The following DCLK1 variants were observed in gnomAD, a reference collection of about 807,000 sequenced individuals.
DCLK1 encodes serine/threonine-protein kinase DCLK1.
In DCLK1, 16 loss-of-function variants were observed where a neutral mutation model predicts 86.2. The observed-to-expected ratio is 0.19, with a 90% CI of 0.13 to 0.28. DCLK1 has a LOEUF of 0.28. Among genes scored for constraint, DCLK1 ranks in the 10% least tolerant of loss-of-function variants. DCLK1 has a pLI of 1.00. For synonymous variants in DCLK1, 369 were observed against 370.5 expected (o/e 1.00, Z 0.05); for missense variants, 590 against 940.2 (o/e 0.63, Z 4.87).
chr13:35,774,698 G>C lies in DCLK1; in HGVS notation c.2060C>G (p.Thr687Ser). ...STAAGVSVIA[T>S]TALDKERQVF... The stretch of plus-strand genomic sequence containing the variant: ...CTGCCTCTCCTTATCAAGAGCGGTG[G>C]TCTAGCAGGGGCATAAAATGAGAAA... Residue 687 changes from threonine (T) to serine (S), a missense_variant and splice_region_variant, in exon 17 of 17, where the codon ACC becomes AGC. By Grantham distance (58) the Thr-to-Ser change is moderately conservative (BLOSUM62 1). Around this residue, in one of 6 missense-constraint regions of DCLK1, gnomAD observed 146 missense variants for 190.2 expected, o/e 0.77. Coordinates refer to ENST00000360631, the MANE Select transcript of DCLK1 (RefSeq NM_001330071.2). The C allele has an allele frequency of 6.2e-7, 1 of 1,611,404 alleles. No individual in the cohort carries two copies. The highest frequency in any genetic ancestry group is 8.5e-7 in the Non-Finnish European group (1 of 1,178,730).
At chr13:35,942,154 T>C (rs949138315) in intron 4 of DCLK1, among the ~76,000 whole-genome samples, 2 of 151,996 alleles carry the variant, frequency 1.3e-5, no homozygotes, top group Non-Finnish European at 2.9e-5. Context: ...GGCTTTAATG[T>C]TTTCTAAAGG....
At chr13:36,103,075 G>A (rs1566013018) in intron 3 of DCLK1, among the ~76,000 whole-genome samples, 1 of 152,044 alleles carries the variant, frequency 6.6e-6, no homozygotes, top group Non-Finnish European at 1.5e-5. Flanking sequence ...TTTTGTTGTT[G>A]TTGTTATTGT....
At chr13:35,866,902 T>C (rs543969801) in intron 5 of DCLK1, among the ~76,000 whole-genome samples, 2 of 152,288 alleles carry the variant, frequency 1.3e-5, no homozygotes, top group East Asian at 3.9e-4. Flanking sequence ...TTCCAAGAGC[T>C]ATAGTTGAGT....
intron 3 of DCLK1, among the ~76,000 whole-genome samples, chr13:36,074,269 G>A (rs1884085799): frequency 6.6e-6 from 1 of 151,912 alleles, no homozygotes; most frequent in African/African-American, 2.4e-5. Context: ...TTGGGAGGCC[G>A]AGGCGGGCAG....
Position 35,967,883 on chromosome 13 carries a change from C to T in DCLK1, c.724-20426G>A, listed in dbSNP as rs144969558. Among the ~76,000 whole-genome samples, 378 of 151,604 alleles carry T rather than the reference C, an allele frequency of 2.5e-3. 14 individuals are homozygous for T. The East Asian group carries it at 0.065, about 26-fold the overall frequency. On this transcript the variant is annotated intron_variant, in intron 3 of 16. Transcript: ENST00000360631. Reference sequence around the variant, plus strand: ...AATAAAAATACAAAAGTTAGCTGGGCGGTGGTACATTGCTGTGGTCCCAGC... The same window carrying T: ...AATAAAAATACAAAAGTTAGCTGGGTGGTGGTACATTGCTGTGGTCCCAGC...
At chr13:36,012,467 T>C (rs1201040571) in intron 3 of DCLK1, among the ~76,000 whole-genome samples, 1 of 149,934 alleles carries the variant, frequency 6.7e-6, no homozygotes, top group African/African-American at 2.5e-5. Flanking sequence ...TAAAGTATTT[T>C]ATTTATCCTT....
chr13:36,048,172 T>C (rs2153156667), intron 3 of DCLK1, among the ~76,000 whole-genome samples: 1 of 152,268 alleles, frequency 6.6e-6, no homozygotes. Context: ...AAAAGTAGTC[T>C]GTGAATGCCA....
At chr13:35,805,630 A>T in intron 15 of DCLK1, 69 bp downstream of exon 15, 1 of 1,471,560 alleles carries the variant, frequency 6.8e-7, no homozygotes, top group Non-Finnish European at 9.4e-7. Flanking sequence ...CAATAACATT[A>T]GAAAATCTGC....
chr13:36,060,348 T>C (rs924620677), intron 3 of DCLK1, among the ~76,000 whole-genome samples: 1 of 152,176 alleles, frequency 6.6e-6, no homozygotes, highest in East Asian at 1.9e-4. Flanking sequence ...TAGCTGATTG[T>C]CTGTCTTTCA....
intron 3 of DCLK1, among the ~76,000 whole-genome samples, chr13:36,055,140 G>C (rs1466708087): frequency 6.6e-6 from 1 of 152,136 alleles, no homozygotes; most frequent in Non-Finnish European, 1.5e-5. Flanking sequence ...AGCATGGATG[G>C]CCAGAAGAAC....
chr13:36,002,271 C>T (rs550773830), intron 3 of DCLK1, among the ~76,000 whole-genome samples: 1 of 152,224 alleles, frequency 6.6e-6, no homozygotes, highest in African/African-American at 2.4e-5. Context: ...TGGTAACTTC[C>T]ACATTTTAAA....
At chr13:35,958,223 C>A in intron 3 of DCLK1, among the ~76,000 whole-genome samples, 1 of 151,802 alleles carries the variant, frequency 6.6e-6, no homozygotes, top group African/African-American at 2.4e-5. Context: ...TCACCACCAC[C>A]ACTATAACCA....
intron 5 of DCLK1, among the ~76,000 whole-genome samples, chr13:35,857,210 GA>G (rs1036698584): frequency 9.9e-5 from 15 of 152,166 alleles, no homozygotes; most frequent in African/African-American, 3.6e-4. Flanking sequence ...CTTCAGGAGG[GA>G]CTGTCCCTTC....
intron 3 of DCLK1, among the ~76,000 whole-genome samples, chr13:36,015,912 C>T (rs530680883): frequency 1.3e-5 from 2 of 152,324 alleles, no homozygotes; most frequent in East Asian, 1.9e-4. Context: ...TTCTGTCACA[C>T]TTCTGCAAAT....
chr13:36,025,761 C>G lies in DCLK1; in HGVS notation c.724-78304G>C, dbSNP rs1819599908. ...AATGGTATGGGAGAGAAAGATGGGA[C>G]AGCTTTTACCACCATGATTAAGTAC... On this transcript the variant is annotated intron_variant, in intron 3 of 16. Transcript: ENST00000360631. Among the ~76,000 whole-genome samples the G allele has an allele frequency of 2.0e-5, 3 of 152,082 alleles. No individual in the cohort carries two copies. In the South Asian group the frequency reaches 6.2e-4, roughly 32 times the overall value.
chr13:36,040,391 T>G (rs1882660239), intron 3 of DCLK1, among the ~76,000 whole-genome samples: 1 of 139,660 alleles, frequency 7.2e-6, no homozygotes. Context: ...AATCTCTGAG[T>G]AGTATCCCTC....
intron 11 of DCLK1, among the ~76,000 whole-genome samples, chr13:35,815,229 A>G (rs1377385262): frequency 2.0e-5 from 3 of 152,194 alleles, no homozygotes; most frequent in Non-Finnish European, 4.4e-5. Flanking sequence ...TTTCCCTTGG[A>G]TGGGAAACTG....
intron 2 of DCLK1, among the ~76,000 whole-genome samples, chr13:36,123,055 A>G (rs1323482029): frequency 6.6e-6 from 1 of 152,232 alleles, no homozygotes; most frequent in African/African-American, 2.4e-5. Context: ...CAAGAAAATA[A>G]CTATAAGTCC....
chr13:35,883,275 G>A (rs1375951109), intron 4 of DCLK1, among the ~76,000 whole-genome samples: 1 of 152,178 alleles, frequency 6.6e-6, no homozygotes, highest in African/African-American at 2.4e-5. Context: ...CTGGGTCATG[G>A]GAATGGATCC....
Sources: gnomAD v4.1 joint callset for allele counts (sites outside exome capture counted in the v4.1 genomes callset) on GRCh38, gnomAD v4.1.1 for gene constraint, gnomAD v4.1.1 regional missense constraint, MANE v1.5 for transcripts, NCBI Gene and HGNC (gene_info 2026-07-23, HGNC 2026-07-21) for gene names.